LINGO2: variants seen among roughly 807,000 people sequenced by gnomAD.
The protein encoded by LINGO2 is leucine-rich repeat and immunoglobulin-like domain-containing nogo receptor-interacting protein 2.
Under a neutral mutation model 30.6 loss-of-function variants are expected in LINGO2, and 14 were observed. The observed-to-expected ratio is 0.46, with a 90% CI of 0.30 to 0.72. The LOEUF (loss-of-function observed/expected upper bound fraction) is 0.72, where lower values mean the gene tolerates loss of function less well. Among genes scored for constraint, LINGO2 ranks in the 30% least tolerant of loss-of-function variants. The pLI is 0.07. For missense variants in LINGO2, 729 were observed against 751.7 expected, an observed-to-expected ratio of 0.97 and a Z score of 0.35; for synonymous variants, 317 against 288.5, an observed-to-expected ratio of 1.10 and a Z score of -1.00.
chr9:28,267,084 G>A (rs1019801580), intron 4 of LINGO2, among the ~76,000 whole-genome samples: 4 of 152,022 alleles, frequency 2.6e-5, no homozygotes, highest in Non-Finnish European at 5.9e-5. Flanking sequence ...CCCTGTTTGT[G>A]TAGGCCGAGG....
chr9:28,921,070 T>C, the LINGO2 span, among the ~76,000 whole-genome samples: 8 of 152,164 alleles, frequency 5.3e-5, no homozygotes, highest in Non-Finnish European at 7.3e-5. Flanking sequence ...ATCACCTTTA[T>C]GACACATGCG....
chr9:28,604,700 T>C (rs1001521455), intron 1 of LINGO2, among the ~76,000 whole-genome samples: 7 of 152,070 alleles, frequency 4.6e-5, no homozygotes, highest in African/African-American at 1.7e-4. Context: ...AAAATGTCTC[T>C]TTGAAATAAG....
chr9:28,322,600 T>G (rs972107080), intron 3 of LINGO2, among the ~76,000 whole-genome samples: 1 of 152,204 alleles, frequency 6.6e-6, no homozygotes, highest in Non-Finnish European at 1.5e-5. Context: ...CATTTATGTA[T>G]GGCATAATTC....
At chr9:28,096,434 T>C (rs1375002592) in intron 4 of LINGO2, among the ~76,000 whole-genome samples, 3 of 152,224 alleles carry the variant, frequency 2.0e-5, no homozygotes, top group African/African-American at 7.2e-5. Flanking sequence ...AAAAAGAACA[T>C]GGAAGATCTC....
the LINGO2 span, among the ~76,000 whole-genome samples, chr9:28,685,397 T>C: frequency 1.3e-5 from 2 of 152,124 alleles, no homozygotes; most frequent in Non-Finnish European, 2.9e-5. Context: ...TATTTATTAG[T>C]TTACACTGTA....
At chr9:28,219,522 C>A (rs774951210) in intron 4 of LINGO2, among the ~76,000 whole-genome samples, 1 of 152,038 alleles carries the variant, frequency 6.6e-6, no homozygotes, top group Non-Finnish European at 1.5e-5. Context: ...AATGTGAATA[C>A]CTATTCCTTA....
intron 2 of LINGO2, among the ~76,000 whole-genome samples, chr9:28,396,557 A>G (rs1281140924): frequency 6.6e-6 from 1 of 151,922 alleles, no homozygotes; most frequent in Non-Finnish European, 1.5e-5. Flanking sequence ...ACAAAAAATT[A>G]GCCGGGCATG....
intron 1 of LINGO2, among the ~76,000 whole-genome samples, chr9:28,494,688 G>A (rs2135282938): frequency 6.6e-6 from 1 of 152,320 alleles, no homozygotes; most frequent in South Asian, 2.1e-4. Context: ...ACGTGTGCAT[G>A]TGTCTTTAAA....
the LINGO2 span, among the ~76,000 whole-genome samples, chr9:28,982,162 T>G: frequency 6.6e-6 from 1 of 152,052 alleles, no homozygotes; most frequent in East Asian, 1.9e-4. Flanking sequence ...ACTAGTAAAT[T>G]GGTGTCTGTG....
At chr9:28,071,772 C>T (rs573757705) in intron 4 of LINGO2, among the ~76,000 whole-genome samples, 8 of 151,910 alleles carry the variant, frequency 5.3e-5, no homozygotes, top group Admixed American at 2.0e-4. Context: ...TCTTTCTGTG[C>T]GTCATTCTCT....
At chr9:28,466,822 T>C (rs1188015063) in intron 2 of LINGO2, among the ~76,000 whole-genome samples, 2 of 152,208 alleles carry the variant, frequency 1.3e-5, no homozygotes, top group South Asian at 4.1e-4. Context: ...TTTTATTAAA[T>C]TGAACACAAG....
chr9:28,769,510 ATATATATATTTTTTTTTTT>A, the LINGO2 span, among the ~76,000 whole-genome samples: 26 of 2,402 alleles, frequency 0.011, 4 homozygotes, highest in African/African-American at 0.017. Flanking sequence ...ATATATATAT[ATATATATATTTTTTTTTTT>A]TTTTTTTTTT....
chr9:28,234,402 T>C (rs1187346690), intron 4 of LINGO2, among the ~76,000 whole-genome samples: 1 of 152,126 alleles, frequency 6.6e-6, no homozygotes, highest in Non-Finnish European at 1.5e-5. Flanking sequence ...TAATATTGAG[T>C]GTCAACTTGA....
At chr9:28,819,750 T>G in the LINGO2 span, among the ~76,000 whole-genome samples, 2 of 152,222 alleles carry the variant, frequency 1.3e-5, no homozygotes, top group Non-Finnish European at 2.9e-5. Flanking sequence ...CTACTTGCCT[T>G]GGTGCTGACC....
At chr9:27,955,047 G>C (rs1360340925) in intron 5 of LINGO2, among the ~76,000 whole-genome samples, 1 of 152,008 alleles carries the variant, frequency 6.6e-6, no homozygotes, top group Non-Finnish European at 1.5e-5. Context: ...TTGACTACTT[G>C]TATGTCTTTT....
chr9:28,359,026 G>T (rs1820339567), intron 3 of LINGO2, among the ~76,000 whole-genome samples: 1 of 152,078 alleles, frequency 6.6e-6, no homozygotes, highest in Non-Finnish European at 1.5e-5. Flanking sequence ...GAGAATCACA[G>T]GATGCAAATT....
the LINGO2 span, among the ~76,000 whole-genome samples, chr9:28,692,077 A>C: frequency 6.6e-6 from 1 of 152,176 alleles, no homozygotes; most frequent in Non-Finnish European, 1.5e-5. Context: ...TTGCAAAGAA[A>C]ATAAAATGGA....
chr9:28,362,548 G>A (rs1197542328), intron 3 of LINGO2, among the ~76,000 whole-genome samples: 7 of 151,156 alleles, frequency 4.6e-5, no homozygotes, highest in Non-Finnish European at 7.4e-5. Context: ...TCAGCTCACC[G>A]CAACCTCCGC....
At chr9:28,880,850 C>T in the LINGO2 span, among the ~76,000 whole-genome samples, 51 of 152,286 alleles carry the variant, frequency 3.3e-4, no homozygotes, top group Middle Eastern at 3.4e-3. Flanking sequence ...TTATTCTTTA[C>T]TCCGCTGAGA....
Sources: allele counts gnomAD v4.1 joint callset (sites outside exome capture counted in the v4.1 genomes callset), GRCh38; gene constraint gnomAD v4.1.1; transcripts MANE v1.5; gene names NCBI Gene and HGNC (gene_info 2026-07-23, HGNC 2026-07-21).